Variants in NBPF3 observed in about 807,000 individuals in gnomAD.
The protein encoded by NBPF3 is NBPF member 3, also known as NBPF family member NBPF3.
In NBPF3, 57 loss-of-function variants were observed where a neutral mutation model predicts 78.1. The ratio of observed to expected loss-of-function variants is 0.73; its 90% CI spans 0.59 to 0.91. The LOEUF is 0.91. NBPF3 is among the 40% of genes least tolerant of loss of function. The pLI, the probability that NBPF3 is intolerant of heterozygous loss-of-function variation, is 0.00. For missense variants in NBPF3, 510 were observed against 715.3 expected, an observed-to-expected ratio of 0.71 and a Z score of 3.27; for synonymous variants, 182 against 271.7, an observed-to-expected ratio of 0.67 and a Z score of 3.25.
intron 9 of NBPF3, among the ~76,000 whole-genome samples, chr1:21,478,584 C>T (rs149457622): frequency 6.6e-6 from 1 of 152,230 alleles, no homozygotes. Context: ...GGCAAACTCA[C>T]ACCAAGCTGT....
intron 1 of NBPF3, among the ~76,000 whole-genome samples, chr1:21,441,362 A>G (rs570232132): frequency 6.6e-6 from 1 of 152,284 alleles, no homozygotes; most frequent in African/African-American, 2.4e-5. Flanking sequence ...CTTTGCGTCA[A>G]AGAAATCTTG....
At chr1:21,458,326 G>C (rs1379644156) in intron 2 of NBPF3, among the ~76,000 whole-genome samples, 1 of 150,784 alleles carries the variant, frequency 6.6e-6, no homozygotes, top group Non-Finnish European at 1.5e-5. Flanking sequence ...CTCTTGGTGG[G>C]CTTTGGTTAC....
intron 3 of NBPF3, among the ~76,000 whole-genome samples, chr1:21,469,255 G>A (rs1181952967): frequency 2.0e-5 from 3 of 152,170 alleles, no homozygotes; most frequent in African/African-American, 4.8e-5. Flanking sequence ...TGTTCTAAAT[G>A]TGTGGGACTA....
Position 21,452,248 on chromosome 1 carries a change from CAT to C in NBPF3, c.133+7030_133+7031del, listed in dbSNP as rs1370705065. On this transcript the variant is annotated intron_variant, in intron 2 of 14. Transcript: ENST00000318249. ...TTTATATACATATAAAATGAGCAAA[CAT>C]GTGGCCATGAAACAGATGGTCATAG... Among the ~76,000 whole-genome samples the C allele has an allele frequency of 5.3e-5, 8 of 152,250 alleles. No homozygotes were observed. The South Asian group carries it at 8.3e-4, about 16-fold the overall frequency.
chr1:21,471,424 G>A, intron 4 of NBPF3, 145 bp from the exon 5 acceptor site: 1 of 1,351,716 alleles, frequency 7.4e-7, no homozygotes, highest in Non-Finnish European at 1.0e-6. Context: ...CTTTCTCTTG[G>A]GCACAGACAT....
In NBPF3 at chr1:21,468,907, A is replaced by G. The variant is rs376864582; in HGVS notation, c.343+10A>G. ...CGGCAAAATAATTACGGTAAGTTCT[A>G]TAGGCTCACCATCACAAAAGCGATG... On this transcript the variant is annotated intron_variant, in intron 3 of 14. Coordinates refer to ENST00000318249, the MANE Select transcript of NBPF3 (RefSeq NM_032264.6). 1.5e-5 allele frequency: 24 copies of G among 1,594,210 alleles called. No homozygotes were observed. The highest frequency in any genetic ancestry group is 6.7e-5 in the Admixed American group (4 of 59,820).
chr1:21,444,738 A>G (rs964077089), intron 1 of NBPF3, among the ~76,000 whole-genome samples: 1 of 151,714 alleles, frequency 6.6e-6, no homozygotes, highest in African/African-American at 2.4e-5. Context: ...TTCATTTTTT[A>G]TTTTCCAAGA....
At chr1:21,472,305 G>A (rs578051909) in intron 5 of NBPF3, among the ~76,000 whole-genome samples, 14 of 152,336 alleles carry the variant, frequency 9.2e-5, no homozygotes, top group African/African-American at 2.6e-4. Context: ...TCGCCATGTG[G>A]TGTTAGAGAA....
chr1:21,470,695 A>G lies in NBPF3; in HGVS notation c.407A>G (p.Glu136Gly). ...AGGGATGAGCGGCTGCTCACAGAAG[A>G]GAAGCTTGCAGAGGAGCTCGGGCAA... The part of the protein sequence containing the change: ...MLRDERLLTE[E>G]KLAEELGQAE... The change falls in exon 4 of 15, where the codon GAG becomes GGG. Residue 136 changes from glutamate to glycine, a missense_variant. Glu to Gly is a moderately conservative substitution (Grantham distance 98). This residue lies in a region of NBPF3 where 440 missense variants were observed against 478.2 expected (regional missense o/e 0.92). Coordinates refer to ENST00000318249, the MANE Select transcript of NBPF3 (RefSeq NM_032264.6). 6.2e-7 allele frequency: 1 copy of G among 1,601,030 alleles called. No homozygotes were observed. The highest frequency in any genetic ancestry group is 8.5e-7 in the Non-Finnish European group (1 of 1,171,526).
intron 1 of NBPF3, among the ~76,000 whole-genome samples, chr1:21,441,175 G>GGAAT (rs1640624209): frequency 6.6e-6 from 1 of 152,190 alleles, no homozygotes; most frequent in South Asian, 2.1e-4. Context: ...CTTTGCCAAA[G>GGAAT]GAATGAATCC....
At chr1:21,475,420 A>G (rs1642839728) in intron 8 of NBPF3, among the ~76,000 whole-genome samples, 1 of 152,140 alleles carries the variant, frequency 6.6e-6, no homozygotes, top group African/African-American at 2.4e-5. Context: ...CCCTCTCCAC[A>G]CTGCTTTAAA....
At chr1:21,475,044 T>C in intron 8 of NBPF3, 93 bp downstream of exon 8, 3 of 1,088,396 alleles carry the variant, frequency 2.8e-6, no homozygotes, top group Non-Finnish European at 4.1e-6. Flanking sequence ...TAGAACTTTT[T>C]ATTCCATTCA....
intron 8 of NBPF3, 32 bp from the exon 9 acceptor site, chr1:21,478,112 T>G: frequency 1.2e-6 from 2 of 1,613,286 alleles, no homozygotes; most frequent in South Asian, 2.2e-5. Flanking sequence ...TGGTTATATC[T>G]TCTGTCATCC....
At chr1:21,474,210 C>CTTTTT in intron 7 of NBPF3, among the ~76,000 whole-genome samples, 1 of 143,890 alleles carries the variant, frequency 6.9e-6, no homozygotes, top group Non-Finnish European at 1.5e-5. Context: ...TTTTCTTTTT[C>CTTTTT]TTTTTTTTTT....
intron 10 of NBPF3, among the ~76,000 whole-genome samples, chr1:21,479,700 T>C (rs1217696650): frequency 6.6e-6 from 1 of 152,138 alleles, no homozygotes; most frequent in Non-Finnish European, 1.5e-5. Flanking sequence ...CTTTTCATGA[T>C]CACTGTTCAT....
chr1:21,447,122 G>A (rs1321373980), intron 2 of NBPF3, among the ~76,000 whole-genome samples: 2 of 152,210 alleles, frequency 1.3e-5, no homozygotes, highest in Non-Finnish European at 2.9e-5. Flanking sequence ...TTTTAGAACA[G>A]TTCTAGGTTT....
At position 21,483,391 on chromosome 1, in the gene NBPF3, C is replaced by A. The variant is rs1387532968; in HGVS notation, c.*5C>A. 2.4e-6 allele frequency: 2 copies of A among 817,126 alleles called. No individual in the cohort carries two copies. The highest frequency in any genetic ancestry group is 3.6e-6 in the Non-Finnish European group (2 of 548,806). 50.6% of individuals were successfully genotyped at this position (817,126 alleles called of 1,614,324 possible). A position where few individuals can be genotyped will look rare whatever the true frequency, so the allele number is the denominator to read the frequency against. ...GGAGTCATATTCCCACACTAAGCAG[C>A]CCTTACTAAGCTGAGAGATGTCATT... On this transcript the variant is annotated 3_prime_UTR_variant, in exon 15 of 15. Transcript: ENST00000318249.
intron 3 of NBPF3, among the ~76,000 whole-genome samples, chr1:21,470,240 C>G (rs2147985891): frequency 6.6e-6 from 1 of 152,276 alleles, no homozygotes; most frequent in Middle Eastern, 3.4e-3. Context: ...ACCATCAGTC[C>G]CATAGTCCTA....
intron 11 of NBPF3, among the ~76,000 whole-genome samples, chr1:21,480,570 G>A (rs1472356570): frequency 6.6e-6 from 1 of 152,262 alleles, no homozygotes; most frequent in African/African-American, 2.4e-5. Flanking sequence ...TTGCAACCAC[G>A]AATGAGCTGG....
Sources: gnomAD v4.1 joint callset for allele counts (sites outside exome capture counted in the v4.1 genomes callset) on GRCh38, gnomAD v4.1.1 for gene constraint, gnomAD v4.1.1 regional missense constraint, MANE v1.5 for transcripts, NCBI Gene and HGNC (gene_info 2026-07-23, HGNC 2026-07-21) for gene names.